Variants in RASA2 observed in about 807,000 individuals in gnomAD.
The protein encoded by RASA2 is RAS p21 protein activator 2.
RASA2 carries 155 observed loss-of-function variants against 118.2 expected under a neutral mutation model. The ratio of observed to expected loss-of-function variants is 1.31; its 90% CI spans 1.15 to 1.50. RASA2 has a LOEUF of 1.50. Among genes scored for constraint, RASA2 ranks in the 40% most tolerant of loss-of-function variants. RASA2 has a pLI of 0.00. For synonymous variants in RASA2, 353 were observed against 349.1 expected, an observed-to-expected ratio of 1.01 and a Z score of -0.12; for missense variants, 1,016 against 1,009.6, an observed-to-expected ratio of 1.01 and a Z score of -0.09.
chr3:141,604,692 T>C (rs377342705), intron 19 of RASA2, among the ~76,000 whole-genome samples: 184 of 151,452 alleles, frequency 1.2e-3, no homozygotes, highest in African/African-American at 4.2e-3. Flanking sequence ...AAGGAATTCT[T>C]TCAGATAGGC....
chr3:141,503,380 T>C (rs1030622189), intron 1 of RASA2, among the ~76,000 whole-genome samples: 1 of 152,218 alleles, frequency 6.6e-6, no homozygotes, highest in Admixed American at 6.5e-5. Context: ...AGATAAAATT[T>C]ATATGGTAGG....
chr3:141,544,059 A>T (rs1258687193), intron 5 of RASA2, among the ~76,000 whole-genome samples: 1 of 151,774 alleles, frequency 6.6e-6, no homozygotes, highest in Non-Finnish European at 1.5e-5. Flanking sequence ...CATTTTTAGT[A>T]GAAACAGGGT....
rs78381004 is a variant in RASA2, at chr3:141,511,202, G to A, written c.134-961G>A. Among the ~76,000 whole-genome samples, 360 of 152,240 alleles carry A rather than the reference G, an allele frequency of 2.4e-3. 1 individual carries two copies. The highest frequency in any genetic ancestry group is 7.6e-3 in the African/African-American group (315 of 41,550). On this transcript the variant is annotated intron_variant, in intron 1 of 23. Coordinates refer to ENST00000286364, the MANE Select transcript of RASA2 (RefSeq NM_006506.5). ...AGACTGGGGAAAGGGCACATCTTGG[G>A]GAAAGAAATCAGATGGTTTTTCTGG... is the stretch of plus-strand genomic sequence containing the variant.
At chr3:141,569,168 G>A (rs1054337068) in intron 9 of RASA2, among the ~76,000 whole-genome samples, 2 of 152,058 alleles carry the variant, frequency 1.3e-5, no homozygotes, top group Non-Finnish European at 2.9e-5. Flanking sequence ...TGAAGAATAA[G>A]AATACAGTTA....
chr3:141,583,419 C>CT (rs71151501), intron 17 of RASA2, among the ~76,000 whole-genome samples: 1,983 of 152,108 alleles, frequency 0.013, 23 homozygotes, highest in Non-Finnish European at 0.018. Flanking sequence ...GAGCAAAACT[C>CT]TGTCTCAAAA....
chr3:141,565,050 A>G (rs933674920), intron 9 of RASA2, among the ~76,000 whole-genome samples: 34 of 151,920 alleles, frequency 2.2e-4, no homozygotes, highest in African/African-American at 8.0e-4. Context: ...CAGTGGTGCA[A>G]TCTTGGCTCA....
At chr3:141,500,376 GT>G (rs1028614147) in intron 1 of RASA2, among the ~76,000 whole-genome samples, 2 of 152,024 alleles carry the variant, frequency 1.3e-5, no homozygotes, top group African/African-American at 4.8e-5. Flanking sequence ...CAATGGGAGT[GT>G]TTTTTTCTTG....
chr3:141,508,598 C>A (rs2081904449), intron 1 of RASA2, among the ~76,000 whole-genome samples: 1 of 152,076 alleles, frequency 6.6e-6, no homozygotes, highest in Non-Finnish European at 1.5e-5. Flanking sequence ...AGGCTGGTTT[C>A]AAAATCCTGT....
chr3:141,494,878 TA>T (rs2151068633), intron 1 of RASA2, among the ~76,000 whole-genome samples: 1 of 152,328 alleles, frequency 6.6e-6, no homozygotes, highest in South Asian at 2.1e-4. Flanking sequence ...TGCAAAGATT[TA>T]AAAAATCTGT....
intron 17 of RASA2, among the ~76,000 whole-genome samples, chr3:141,583,896 T>C (rs1326952069): frequency 6.6e-6 from 1 of 152,104 alleles, no homozygotes; most frequent in African/African-American, 2.4e-5. Flanking sequence ...CCTCTCTGAG[T>C]TTCTGAGTTT....
At position 141,553,892 on chromosome 3, in the gene RASA2, G is replaced by T; in HGVS notation, c.563G>T (p.Gly188Val). The T allele has an allele frequency of 1.2e-6, 2 of 1,611,484 alleles. No homozygotes were observed. The highest frequency in any genetic ancestry group is 1.7e-6 in the Non-Finnish European group (2 of 1,178,474). The change falls in exon 6 of 24, where the codon GGC (glycine) becomes GTC (valine). Residue 188 changes from glycine (G) to valine (V), a missense_variant. Around this residue, in one of 2 missense-constraint regions of RASA2, gnomAD observed 896 missense variants for 836.4 expected, o/e 1.07. Coordinates refer to ENST00000286364, the MANE Select transcript of RASA2 (RefSeq NM_006506.5). The stretch of plus-strand genomic sequence containing the variant: ...TGCCATGGGTTGCCTCTCATAAATG[G>T]CCAAAGCTGTGACCCTTATGCAACA... ...KACHGLPLIN[G>V]QSCDPYATVS...
chr3:141,599,519 G>A (rs1241624440), intron 19 of RASA2, among the ~76,000 whole-genome samples: 1 of 152,092 alleles, frequency 6.6e-6, no homozygotes, highest in Non-Finnish European at 1.5e-5. Context: ...ACTTTAATTT[G>A]CCAAAAGCAA....
chr3:141,590,062 T>G, intron 19 of RASA2: 1 of 452,274 alleles, frequency 2.2e-6, no homozygotes, highest in Non-Finnish European at 4.4e-6. Context: ...GCTTCCATGC[T>G]TTTTGTTTTA....
At chr3:141,491,604 A>T (rs899137396) in intron 1 of RASA2, among the ~76,000 whole-genome samples, 8 of 152,214 alleles carry the variant, frequency 5.3e-5, no homozygotes, top group Admixed American at 2.0e-4. Flanking sequence ...TACCTAAAAA[A>T]ACTAGAAGGT....
At chr3:141,507,681 C>T (rs1217579805) in intron 1 of RASA2, among the ~76,000 whole-genome samples, 1 of 152,214 alleles carries the variant, frequency 6.6e-6, no homozygotes, top group African/African-American at 2.4e-5. Context: ...TTGTGCCTTT[C>T]TTAATATTCA....
intron 14 of RASA2, among the ~76,000 whole-genome samples, 186 bp from the exon 15 acceptor site, chr3:141,576,813 AT>A (rs556439751): frequency 1.1e-3 from 171 of 152,068 alleles, no homozygotes; most frequent in Admixed American, 3.3e-3. Context: ...TTTCTTTTGG[AT>A]TTTTTTAATC....
intron 1 of RASA2, among the ~76,000 whole-genome samples, chr3:141,502,632 C>T (rs2081800990): frequency 6.6e-6 from 1 of 152,096 alleles, no homozygotes; most frequent in Non-Finnish European, 1.5e-5. Flanking sequence ...ATATATCATT[C>T]AGAAGAGTTA....
intron 9 of RASA2, among the ~76,000 whole-genome samples, chr3:141,561,102 G>A (rs996043204): frequency 6.6e-6 from 1 of 152,144 alleles, no homozygotes; most frequent in Admixed American, 6.5e-5. Context: ...AAAATCAAAT[G>A]TAGTCACTAT....
chr3:141,597,552 CAGT>C (rs1219053141), intron 19 of RASA2, among the ~76,000 whole-genome samples: 2 of 152,086 alleles, frequency 1.3e-5, no homozygotes, highest in Non-Finnish European at 2.9e-5. Flanking sequence ...TTATACCACT[CAGT>C]AGAGTTACAA....
Sources: allele counts gnomAD v4.1 joint callset (sites outside exome capture counted in the v4.1 genomes callset), GRCh38; gene constraint gnomAD v4.1.1; regional missense constraint gnomAD v4.1.1; transcripts MANE v1.5; gene names NCBI Gene and HGNC (gene_info 2026-07-23, HGNC 2026-07-21).